SCN10A: variants seen among roughly 807,000 people sequenced by gnomAD.
The protein encoded by SCN10A is sodium channel protein type 10 subunit alpha.
A neutral mutation model predicts 170.7 loss-of-function variants in SCN10A; 162 were observed. That is an observed-to-expected ratio of 0.95 (90% CI 0.84 to 1.08). SCN10A has a LOEUF of 1.08. Ranked by LOEUF, SCN10A falls within the 50% of genes least tolerant of loss-of-function variation. SCN10A has a pLI of 0.00. For missense variants in SCN10A, 2,527 were observed against 2,436.9 expected, an observed-to-expected ratio of 1.04 and a Z score of -0.78; for synonymous variants, 985 against 904.6, an observed-to-expected ratio of 1.09 and a Z score of -1.59.
intron 4 of SCN10A, among the ~76,000 whole-genome samples, chr3:38,784,383 C>T (rs1321338353): frequency 6.6e-6 from 1 of 152,020 alleles, no homozygotes; most frequent in Non-Finnish European, 1.5e-5. Context: ...ACAAAAACCA[C>T]GTGATTATCT....
chr3:38,698,051 C>T lies in SCN10A; in HGVS notation c.5169G>A (p.Glu1723=), dbSNP rs2063114054. Residue 1723 remains glutamate, a synonymous_variant, in exon 28 of 28, where the codon GAG becomes GAA. Coordinates refer to ENST00000449082, the MANE Select transcript of SCN10A (RefSeq NM_006514.4). ...MVNMYIAVIL[E]NFNVATEEST... is the part of the protein sequence containing the mutation. ...TCTCCTCCGTGGCCACATTGAAGTT[C>T]TCCAGAATCACTGCAATGTACATGT... 1 of 1,614,162 alleles carries T rather than the reference C, an allele frequency of 6.2e-7. No individual in the cohort carries two copies. Among genetic ancestry groups the T allele is most frequent in the East Asian group, 2.2e-5 (1 of 44,874 alleles).
chr3:38,727,589 T>G (rs539386852), intron 16 of SCN10A, among the ~76,000 whole-genome samples: 2 of 152,316 alleles, frequency 1.3e-5, no homozygotes, highest in South Asian at 4.1e-4. Flanking sequence ...GTTTCTGGGA[T>G]GCAGGCAGAG....
intron 13 of SCN10A, among the ~76,000 whole-genome samples, chr3:38,746,063 G>GTA (rs1553619550): frequency 0.072 from 4,436 of 61,438 alleles, 271 homozygotes; most frequent in Non-Finnish European, 0.11. Context: ...GTGTGTATGT[G>GTA]TATATATATA....
chr3:38,714,878 G>C (rs2063319018), intron 21 of SCN10A, among the ~76,000 whole-genome samples: 1 of 152,212 alleles, frequency 6.6e-6, no homozygotes, highest in Non-Finnish European at 1.5e-5. Context: ...AGATGTCATA[G>C]ATACGGGCTA....
intron 1 of SCN10A, among the ~76,000 whole-genome samples, chr3:38,802,095 C>T (rs1025511007): frequency 1.1e-4 from 17 of 152,128 alleles, no homozygotes; most frequent in African/African-American, 3.1e-4. Flanking sequence ...TAGGAGTCTT[C>T]CTTTATGCTT....
In SCN10A at chr3:38,779,905, AT is replaced by A. The variant is rs1403087565; in HGVS notation, c.471-8499del. On this transcript the variant is annotated intron_variant, in intron 4 of 27. Transcript: ENST00000449082. ...ATATTATTTCCACTTTCTGGAGCTT[AT>A]TGAGGTTTTTGTCATGGCTTAATAT... is the stretch of plus-strand genomic sequence containing the variant. 2.6e-5 allele frequency among the ~76,000 whole-genome samples: 4 copies of A among 151,690 alleles called. No homozygotes were observed. The East Asian group carries it at 7.7e-4, about 29-fold the overall frequency.
rs1172982154 is a variant in SCN10A, at chr3:38,719,451, T to TGGTGC, written c.3508-626_3508-625insGCACC. Among the ~76,000 whole-genome samples, 7 of 128,586 alleles carry TGGTGC rather than the reference T, an allele frequency of 5.4e-5. No individual in the cohort carries two copies. In the East Asian group the frequency reaches 1.1e-3, roughly 20 times the overall value. The allele number at this position is 128,586 out of a possible 152,430, so 84.4% of individuals were successfully genotyped here. Reference sequence around the variant, plus strand: ...CTCTGTCGCCCAGGCTGGAGTGCAGTAGCGGGATCTCGGCTCACTGCAAGC... The same window carrying TGGTGC: ...CTCTGTCGCCCAGGCTGGAGTGCAGTGGTGCAGCGGGATCTCGGCTCACTGCAAGC... On this transcript the variant is annotated intron_variant, in intron 20 of 27. Transcript: ENST00000449082.
chr3:38,742,282 A>G lies in SCN10A; in HGVS notation c.2106+9T>C, dbSNP rs1057524209. 1.2e-6 allele frequency: 2 copies of G among 1,604,872 alleles called. No individual in the cohort carries two copies. Among genetic ancestry groups the G allele is most frequent in the Admixed American group, 1.7e-5 (1 of 59,984 alleles). On this transcript the variant is annotated intron_variant, in intron 14 of 27. Transcript: ENST00000449082. ...CGCCAGTGAGGGCAGTACCAGCCAGAGCACTCACGATGTTGCCTATCTGGA... is the reference window on the plus strand; with the variant it reads ...CGCCAGTGAGGGCAGTACCAGCCAGGGCACTCACGATGTTGCCTATCTGGA...
At chr3:38,737,816 C>CTT (rs1380260927) in intron 15 of SCN10A, among the ~76,000 whole-genome samples, 1 of 119,924 alleles carries the variant, frequency 8.3e-6, no homozygotes, top group South Asian at 3.1e-4. Context: ...TTCTTTCTTT[C>CTT]TTTCTTTCTT....
In SCN10A at chr3:38,713,119, T is replaced by C. The variant is rs147942405; in HGVS notation, c.3805-674A>G. Among the ~76,000 whole-genome samples, 53 of 152,258 alleles carry C rather than the reference T, an allele frequency of 3.5e-4. 1 individual carries two copies. Among genetic ancestry groups the C allele is most frequent in the African/African-American group, 1.3e-3 (52 of 41,556 alleles). ...GAGGTGGGTGTCAATCAGCAATCTCTAAGACAAGGCTCTGGCTGTGAGCAT... is the reference window on the plus strand; with the variant it reads ...GAGGTGGGTGTCAATCAGCAATCTCCAAGACAAGGCTCTGGCTGTGAGCAT... On this transcript the variant is annotated intron_variant, in intron 22 of 27. Transcript: ENST00000449082.
In SCN10A at chr3:38,812,601, C is replaced by G. The variant is rs536891941; in HGVS notation, c.-33+3436G>C. 2.5e-4 allele frequency among the ~76,000 whole-genome samples: 38 copies of G among 152,264 alleles called. No individual in the cohort carries two copies. The South Asian group carries it at 7.9e-3, about 32-fold the overall frequency. On this transcript the variant is annotated intron_variant, in intron 1 of 27. Coordinates refer to ENST00000449082, the MANE Select transcript of SCN10A (RefSeq NM_006514.4). ...GAGAAGACTCTCCCATGCCCCTTCC[C>G]AGTGGCTACCCCTCTCCTGCCTGGA...
chr3:38,797,388 A>G (rs775819678), intron 1 of SCN10A, among the ~76,000 whole-genome samples: 1 of 152,058 alleles, frequency 6.6e-6, no homozygotes, highest in Non-Finnish European at 1.5e-5. Context: ...AATGTCCTCC[A>G]TTACTTTCTT....
chr3:38,755,184 G>A (rs995499987), intron 11 of SCN10A, among the ~76,000 whole-genome samples: 1 of 151,762 alleles, frequency 6.6e-6, no homozygotes, highest in African/African-American at 2.4e-5. Flanking sequence ...TGAATTGCAG[G>A]ACCTTAGGAA....
chr3:38,731,091 G>A (rs1013867361), intron 15 of SCN10A, among the ~76,000 whole-genome samples: 16 of 152,180 alleles, frequency 1.1e-4, no homozygotes, highest in African/African-American at 3.6e-4. Flanking sequence ...GAACACCAAA[G>A]ATGGATAGAA....
At position 38,739,577 on chromosome 3, in the gene SCN10A, T is replaced by A; in HGVS notation, c.2218A>T (p.Ser740Cys). 1 of 1,614,136 alleles carries A rather than the reference T, an allele frequency of 6.2e-7. No individual in the cohort carries two copies. The highest frequency in any genetic ancestry group is 8.5e-7 in the Non-Finnish European group (1 of 1,180,004). Residue 740 changes from serine to cysteine, a missense_variant, in exon 15 of 28, where the codon AGT becomes TGT. Ser to Cys is a moderately radical substitution (Grantham distance 112). Transcript: ENST00000449082. ...TTGGCCACGCCCAGCTCTAGCAGAC[T>A]CACAGTGACGATGATGCAGTCAAAG... The part of the protein sequence containing the change: ...NIFDCIIVTV[S>C]LLELGVAKKG...
chr3:38,790,101 T>A (rs1045157893), intron 3 of SCN10A, among the ~76,000 whole-genome samples: 4 of 152,140 alleles, frequency 2.6e-5, no homozygotes, highest in Admixed American at 1.3e-4. Flanking sequence ...TCCTGCTGAC[T>A]TACAATTAAA....
At chr3:38,759,863 C>A (rs74419042) in intron 8 of SCN10A, among the ~76,000 whole-genome samples, 2,190 of 152,280 alleles carry the variant, frequency 0.014, 70 homozygotes, top group East Asian at 0.089. Context: ...GCCCACTCCA[C>A]TCATTTGTTG....
intron 1 of SCN10A, among the ~76,000 whole-genome samples, chr3:38,799,916 G>A (rs1216848172): frequency 6.6e-6 from 1 of 152,064 alleles, no homozygotes; most frequent in African/African-American, 2.4e-5. Context: ...CTTGTCCTAA[G>A]ATATGTTCTC....
chr3:38,783,931 T>C (rs1406656735), intron 4 of SCN10A, among the ~76,000 whole-genome samples: 2 of 152,120 alleles, frequency 1.3e-5, no homozygotes, highest in Non-Finnish European at 2.9e-5. Context: ...AGTGTGATTT[T>C]AATTTGCAAC....
Sources: allele counts gnomAD v4.1 joint callset (sites outside exome capture counted in the v4.1 genomes callset), GRCh38; gene constraint gnomAD v4.1.1; transcripts MANE v1.5; gene names NCBI Gene and HGNC (gene_info 2026-07-23, HGNC 2026-07-21).